Variants in TRDN observed in about 807,000 individuals in gnomAD.
TRDN encodes triadin in skeletal muscle.
TRDN carries 161 observed loss-of-function variants against 149.7 expected under a neutral mutation model. That is an observed-to-expected ratio of 1.08 (90% CI 0.95 to 1.23). The LOEUF (loss-of-function observed/expected upper bound fraction) is 1.23. TRDN is among the 50% of genes most tolerant of loss of function. The pLI, the probability that TRDN is intolerant of heterozygous loss-of-function variation, is 0.00. For synonymous variants in TRDN, 294 were observed against 250.5 expected, an observed-to-expected ratio of 1.17 and a Z score of -1.64; for missense variants, 896 against 823.5, an observed-to-expected ratio of 1.09 and a Z score of -1.08.
At chr6:123,448,146 G>A (rs1340014950) in intron 10 of TRDN, among the ~76,000 whole-genome samples, 2 of 152,192 alleles carry the variant, frequency 1.3e-5, no homozygotes, top group Non-Finnish European at 2.9e-5. Context: ...TCATCAGGAG[G>A]GTGGTCAGAA....
intron 24 of TRDN, among the ~76,000 whole-genome samples, chr6:123,315,805 A>T (rs143446069): frequency 6.6e-6 from 1 of 151,906 alleles, no homozygotes; most frequent in Non-Finnish European, 1.5e-5. Flanking sequence ...TATGATATTC[A>T]TCCACTCAAC....
chr6:123,502,854 G>A (rs995350491), intron 8 of TRDN: 17 of 985,160 alleles, frequency 1.7e-5, no homozygotes, highest in South Asian at 1.4e-4. Context: ...TTAGATCCCC[G>A]TATTCTGTAA....
At position 123,529,415 on chromosome 6, in the gene TRDN, A is replaced by T. The variant is rs571868258; in HGVS notation, c.484+1091T>A. ...AGCTTCAATGTTCTGATTGTTGAAG[A>T]ATTGGCTGACCAATCTAGAATGAAT... is the stretch of plus-strand genomic sequence containing the variant. On this transcript the variant is annotated intron_variant, in intron 5 of 40. Transcript: ENST00000334268. The T allele has an allele frequency of 5.5e-6, 8 of 1,456,836 alleles. No homozygotes were observed. In the Admixed American group the frequency reaches 1.2e-4, roughly 22 times the overall value. The allele number at this position is 1,456,836 out of a possible 1,614,324, so 90.2% of individuals were successfully genotyped here.
At chr6:123,231,013 C>T (rs1775578683) in intron 38 of TRDN, among the ~76,000 whole-genome samples, 1 of 151,982 alleles carries the variant, frequency 6.6e-6, no homozygotes, top group African/African-American at 2.4e-5. Flanking sequence ...TACAAGAGAA[C>T]TTTGAGCCCC....
intron 6 of TRDN, among the ~76,000 whole-genome samples, chr6:123,513,647 AT>A (rs1389828897): frequency 6.6e-6 from 1 of 152,164 alleles, no homozygotes; most frequent in African/African-American, 2.4e-5. Context: ...CATGAAGAAA[AT>A]AAGATAAGAA....
intron 9 of TRDN, among the ~76,000 whole-genome samples, chr6:123,496,752 G>C (rs1778467115): frequency 6.6e-6 from 1 of 151,996 alleles, no homozygotes; most frequent in Non-Finnish European, 1.5e-5. Flanking sequence ...ATGTATAAGG[G>C]AGAAAATTTT....
Position 123,464,617 on chromosome 6 carries a change from G to C in TRDN, c.931+289C>G, listed in dbSNP as rs988023527. Reference sequence around the variant, plus strand: ...GTGGTAAAACTCCCAGAGTTGCAAGGCATAGCCTTATCTATTTGTCCCTAT... The same window carrying C: ...GTGGTAAAACTCCCAGAGTTGCAAGCCATAGCCTTATCTATTTGTCCCTAT... On this transcript the variant is annotated intron_variant, in intron 10 of 40. Transcript: ENST00000334268. 5 of 1,117,756 alleles carry C rather than the reference G, an allele frequency of 4.5e-6. No individual in the cohort carries two copies. In the African/African-American group the frequency reaches 8.0e-5, roughly 18 times the overall value. 69.2% of individuals were successfully genotyped at this position (1,117,756 alleles called of 1,614,324 possible).
chr6:123,364,277 C>T (rs778107876), intron 20 of TRDN, among the ~76,000 whole-genome samples: 6 of 152,186 alleles, frequency 3.9e-5, no homozygotes, highest in Admixed American at 3.3e-4. Context: ...AGGAGTTCAA[C>T]CTTTGCTTCT....
chr6:123,334,525 G>T (rs1779790372), intron 22 of TRDN, among the ~76,000 whole-genome samples: 1 of 152,004 alleles, frequency 6.6e-6, no homozygotes, highest in South Asian at 2.1e-4. Flanking sequence ...AATGCCACAA[G>T]GAAGATAACC....
At chr6:123,278,204 C>T in intron 26 of TRDN, 114 bp downstream of exon 26, 1 of 729,470 alleles carries the variant, frequency 1.4e-6, no homozygotes, top group South Asian at 2.3e-5. Context: ...TTAAGTTGGT[C>T]AAGGATAAAA....
At chr6:123,406,586 C>T (rs7752443) in intron 12 of TRDN, among the ~76,000 whole-genome samples, 56,365 of 151,174 alleles carry the variant, frequency 0.37, 10,941 homozygotes, top group Middle Eastern at 0.47. Flanking sequence ...CCGTCATATG[C>T]ATGTATATAA....
At chr6:123,409,171 A>G (rs1773327807) in intron 12 of TRDN, among the ~76,000 whole-genome samples, 1 of 152,194 alleles carries the variant, frequency 6.6e-6, no homozygotes, top group Admixed American at 6.5e-5. Context: ...CTACAATAAT[A>G]ATATCATATA....
chr6:123,560,065 C>A (rs1056572334), intron 2 of TRDN, among the ~76,000 whole-genome samples: 1 of 152,188 alleles, frequency 6.6e-6, no homozygotes, highest in Non-Finnish European at 1.5e-5. Flanking sequence ...ACCCTGTAGC[C>A]TTTCTGTCCA....
intron 12 of TRDN, among the ~76,000 whole-genome samples, chr6:123,399,531 T>C (rs1052649842): frequency 1.3e-5 from 2 of 152,192 alleles, no homozygotes; most frequent in Admixed American, 6.5e-5. Context: ...GTTTATTCCA[T>C]GTATCTAATA....
At chr6:123,316,737 T>C (rs1779039088) in intron 23 of TRDN, among the ~76,000 whole-genome samples, 1 of 151,858 alleles carries the variant, frequency 6.6e-6, no homozygotes, top group Middle Eastern at 3.2e-3. Context: ...AAAAGTTTCA[T>C]GCTAATCAAG....
chr6:123,516,512 T>C (rs1779417521), intron 5 of TRDN, among the ~76,000 whole-genome samples: 1 of 152,116 alleles, frequency 6.6e-6, no homozygotes, highest in South Asian at 2.1e-4. Flanking sequence ...TAAAAAATTA[T>C]TATGCCATAT....
chr6:123,416,935 T>A (rs548627654), intron 12 of TRDN, among the ~76,000 whole-genome samples: 1 of 152,318 alleles, frequency 6.6e-6, no homozygotes, highest in East Asian at 1.9e-4. Flanking sequence ...GCTCCTGACC[T>A]TAGGTGATCC....
chr6:123,272,867 T>C, intron 29 of TRDN, 97 bp downstream of exon 29: 1 of 905,262 alleles, frequency 1.1e-6, no homozygotes, highest in Non-Finnish European at 1.7e-6. Context: ...ACATGAATTG[T>C]CCCAAATAAC....
At chr6:123,364,658 A>G (rs919074902) in intron 20 of TRDN, among the ~76,000 whole-genome samples, 1 of 152,230 alleles carries the variant, frequency 6.6e-6, no homozygotes, top group Non-Finnish European at 1.5e-5. Flanking sequence ...AAATTAAAAA[A>G]TAATAAAAAT....
Sources: allele counts gnomAD v4.1 joint callset (sites outside exome capture counted in the v4.1 genomes callset), GRCh38; gene constraint gnomAD v4.1.1; transcripts MANE v1.5; gene names NCBI Gene and HGNC (gene_info 2026-07-23, HGNC 2026-07-21).